Variants in RALYL observed in about 807,000 individuals in gnomAD.
RALYL encodes the protein RNA-binding Raly-like protein.
In RALYL, 29 loss-of-function variants were observed where a neutral mutation model predicts 35.1. The ratio of observed to expected loss-of-function variants is 0.83; its 90% confidence interval spans 0.61 to 1.13. RALYL has a LOEUF of 1.13. Ranked by LOEUF, RALYL falls within the 50% of genes most tolerant of loss-of-function variation. RALYL has a pLI of 0.00. For synonymous variants in RALYL, 120 were observed against 127.6 expected, an observed-to-expected ratio of 0.94 and a Z score of 0.40; for missense variants, 359 against 360.4, an observed-to-expected ratio of 1.00 and a Z score of 0.03.
chr8:84,806,088 A>T (rs1824531741), intron 4 of RALYL, among the ~76,000 whole-genome samples: 1 of 152,228 alleles, frequency 6.6e-6, no homozygotes, highest in Non-Finnish European at 1.5e-5. Flanking sequence ...TCATTCAACA[A>T]CATGGTTCCC....
At chr8:84,441,590 C>T (rs947911160) in intron 1 of RALYL, among the ~76,000 whole-genome samples, 4 of 152,018 alleles carry the variant, frequency 2.6e-5, no homozygotes, top group South Asian at 2.1e-4. Flanking sequence ...CAGGCATGAA[C>T]GATCATGTAT....
intron 8 of RALYL, among the ~76,000 whole-genome samples, chr8:84,892,561 G>T (rs1844039436): frequency 6.7e-6 from 1 of 149,666 alleles, no homozygotes; most frequent in South Asian, 2.1e-4. Flanking sequence ...TGTGAGTTGA[G>T]ATTGAGCCAT....
chr8:84,822,977 G>A (rs992095844), intron 4 of RALYL, among the ~76,000 whole-genome samples: 3 of 152,070 alleles, frequency 2.0e-5, no homozygotes, highest in Admixed American at 6.6e-5. Context: ...AGCAAGATGC[G>A]AGGTGCACTG....
In RALYL at chr8:84,410,717, G is replaced by A. The variant is rs556522567; in HGVS notation, c.-23-118582G>A. 8.2e-4 allele frequency among the ~76,000 whole-genome samples: 125 copies of A among 151,742 alleles called. No homozygotes were observed. The Middle Eastern group carries it at 0.016, about 19-fold the overall frequency. On this transcript the variant is annotated intron_variant, in intron 1 of 8. Transcript: ENST00000521268. The stretch of plus-strand genomic sequence containing the variant: ...TTGTAGATTAAATAAAACAAAAAAA[G>A]ATTTAATACGAAACATTTTCTATGT...
chr8:84,764,360 C>T (rs887151998), intron 2 of RALYL, among the ~76,000 whole-genome samples: 1 of 152,036 alleles, frequency 6.6e-6, no homozygotes, highest in Non-Finnish European at 1.5e-5. Flanking sequence ...ATTATTTGAT[C>T]AATGAAAATG....
At chr8:84,907,342 A>T (rs1233397315) in intron 8 of RALYL, among the ~76,000 whole-genome samples, 1 of 150,816 alleles carries the variant, frequency 6.6e-6, no homozygotes, top group African/African-American at 2.5e-5. Flanking sequence ...ACACACACAC[A>T]CACACACACA....
chr8:84,388,002 G>C (rs1215257494), intron 1 of RALYL, among the ~76,000 whole-genome samples: 1 of 151,504 alleles, frequency 6.6e-6, no homozygotes, highest in African/African-American at 2.4e-5. Flanking sequence ...CCTACACCAC[G>C]CCACACCAGT....
intron 2 of RALYL, among the ~76,000 whole-genome samples, chr8:84,724,008 C>G (rs1035904665): frequency 6.6e-6 from 1 of 151,656 alleles, no homozygotes; most frequent in African/African-American, 2.4e-5. Flanking sequence ...ATAGTAGGAT[C>G]TCAGTGAGTA....
At chr8:84,468,464 C>T (rs13271661) in intron 1 of RALYL, among the ~76,000 whole-genome samples, 37,357 of 141,012 alleles carry the variant, frequency 0.26, 6,433 homozygotes, top group South Asian at 0.43. Context: ...GAATGTTGAA[C>T]ATTGGCCCCC....
chr8:84,192,296 A>G (rs1814087641), intron 1 of RALYL, among the ~76,000 whole-genome samples: 1 of 152,234 alleles, frequency 6.6e-6, no homozygotes, highest in African/African-American at 2.4e-5. Flanking sequence ...TTGAAGATAC[A>G]TACCAGCCCT....
At chr8:84,390,671 G>A (rs1271307121) in intron 1 of RALYL, among the ~76,000 whole-genome samples, 1 of 152,150 alleles carries the variant, frequency 6.6e-6, no homozygotes. Flanking sequence ...TTCTATTTCT[G>A]TGGGATCAGT....
intron 2 of RALYL, among the ~76,000 whole-genome samples, chr8:84,728,684 T>C (rs181457616): frequency 0.011 from 1,637 of 152,274 alleles, 20 homozygotes; most frequent in Non-Finnish European, 0.016. Context: ...GTTTCAGCTT[T>C]CTACATATGG....
intron 1 of RALYL, among the ~76,000 whole-genome samples, chr8:84,476,583 G>A (rs2053449297): frequency 6.6e-6 from 1 of 152,062 alleles, no homozygotes; most frequent in Non-Finnish European, 1.5e-5. Flanking sequence ...GATACCTGAA[G>A]GTTCTTGTCT....
intron 2 of RALYL, among the ~76,000 whole-genome samples, chr8:84,621,212 T>G (rs1321905236): frequency 6.6e-6 from 1 of 152,088 alleles, no homozygotes; most frequent in East Asian, 1.9e-4. Context: ...TGCAGTCTGA[T>G]CTCAGACTGC....
intron 1 of RALYL, among the ~76,000 whole-genome samples, chr8:84,369,518 A>T (rs550672940): frequency 6.6e-6 from 1 of 152,010 alleles, no homozygotes; most frequent in Non-Finnish European, 1.5e-5. Flanking sequence ...AATTTAAAGG[A>T]GACATGAAGG....
chr8:84,766,824 G>C (rs1355779845), intron 2 of RALYL, among the ~76,000 whole-genome samples: 2 of 150,822 alleles, frequency 1.3e-5, no homozygotes, highest in Non-Finnish European at 2.9e-5. Context: ...ACTTACTGGA[G>C]CCCAAAGTTA....
At chr8:84,362,593 C>A (rs1249172980) in intron 1 of RALYL, among the ~76,000 whole-genome samples, 1 of 152,088 alleles carries the variant, frequency 6.6e-6, no homozygotes, top group African/African-American at 2.4e-5. Context: ...TGCGAGGGAT[C>A]CAGGTTGCAC....
intron 1 of RALYL, among the ~76,000 whole-genome samples, chr8:84,383,875 G>A (rs1858565645): frequency 6.6e-6 from 1 of 151,362 alleles, no homozygotes; most frequent in African/African-American, 2.4e-5. Context: ...GAAGAATTGA[G>A]AGATGTGGGT....
intron 2 of RALYL, among the ~76,000 whole-genome samples, chr8:84,590,683 G>T (rs1029508563): frequency 1.3e-5 from 2 of 152,154 alleles, no homozygotes; most frequent in South Asian, 2.1e-4. Flanking sequence ...ATCAAATAAT[G>T]GAATTGACTG....
Sources: allele counts gnomAD v4.1 joint callset (sites outside exome capture counted in the v4.1 genomes callset), GRCh38; gene constraint gnomAD v4.1.1; transcripts MANE v1.5; gene names NCBI Gene and HGNC (gene_info 2026-07-23, HGNC 2026-07-21).